C2orf76: variants seen among roughly 807,000 people sequenced by gnomAD.
C2orf76 encodes the protein chromosome 2 open reading frame 76.
Under a neutral mutation model 16.9 loss-of-function variants are expected in C2orf76, and 23 were observed. The ratio of observed to expected loss-of-function variants is 1.36; its 90% confidence interval spans 0.98 to 1.93. The LOEUF (loss-of-function observed/expected upper bound fraction) is 1.93. C2orf76 is among the 30% of genes most tolerant of loss of function. The pLI is 0.00. For synonymous variants in C2orf76, 48 were observed against 52.3 expected (o/e 0.92, Z 0.35); for missense variants, 152 against 152.6 (o/e 1.00, Z 0.02).
At chr2:119,301,011 C>T (rs1057152054), downstream of C2orf76, among the ~76,000 whole-genome samples, 2 of 151,780 alleles carry the variant, frequency 1.3e-5, no homozygotes, top group Non-Finnish European at 2.9e-5. Context: ...CCTTTCCCTT[C>T]TTTTCTTCTA....
intron 1 of C2orf76, among the ~76,000 whole-genome samples, chr2:119,346,212 T>G (rs1242602132): frequency 6.6e-6 from 1 of 152,064 alleles, no homozygotes; most frequent in African/African-American, 2.4e-5. Flanking sequence ...TACTAGCCAG[T>G]CTGAAAAAGA....
chr2:119,332,605 T>A (rs1679712216), intron 2 of C2orf76, among the ~76,000 whole-genome samples: 1 of 152,246 alleles, frequency 6.6e-6, no homozygotes, highest in Admixed American at 6.5e-5. Context: ...AAAGCCTTTC[T>A]ATCTTTTGCC....
intron 5 of C2orf76, among the ~76,000 whole-genome samples, chr2:119,309,128 G>A (rs1678893144): frequency 6.6e-6 from 1 of 152,158 alleles, no homozygotes; most frequent in Non-Finnish European, 1.5e-5. Flanking sequence ...CCTGGCCTCA[G>A]GCGATCCACT....
At chr2:119,362,987 T>C (rs969794825) in intron 1 of C2orf76, among the ~76,000 whole-genome samples, 19 of 152,126 alleles carry the variant, frequency 1.2e-4, no homozygotes, top group African/African-American at 4.6e-4. Context: ...CCAGGCCTCC[T>C]CTCACCAGTT....
chr2:119,314,877 G>T (rs370211407), intron 4 of C2orf76, among the ~76,000 whole-genome samples: 33 of 152,208 alleles, frequency 2.2e-4, no homozygotes, highest in African/African-American at 7.2e-4. Flanking sequence ...AGCAGGTTTT[G>T]TTTTGTTGTT....
downstream of C2orf76, chr2:119,302,222 C>A (rs1678637038): frequency 3.4e-6 from 1 of 298,176 alleles, no homozygotes; most frequent in African/African-American, 2.2e-5. Flanking sequence ...CAATATTCCA[C>A]AATAATTTTT....
At chr2:119,363,432 A>G (rs1468018457) in intron 1 of C2orf76, among the ~76,000 whole-genome samples, 2 of 151,644 alleles carry the variant, frequency 1.3e-5, no homozygotes, top group Non-Finnish European at 2.9e-5. Flanking sequence ...TCAAAAAAAA[A>G]AAAGGCAAAA....
chr2:119,288,886 G>A, the C2orf76 span, among the ~76,000 whole-genome samples: 1 of 152,020 alleles, frequency 6.6e-6, no homozygotes, highest in African/African-American at 2.4e-5. Context: ...CAGCCTTGGT[G>A]AGTCACTCCA....
rs373600424 is a variant in C2orf76, at chr2:119,326,097, T to C, written c.134-4893A>G. Among the ~76,000 whole-genome samples, 10 of 152,328 alleles carry C rather than the reference T, an allele frequency of 6.6e-5. No individual in the cohort carries two copies. In the East Asian group the frequency reaches 1.2e-3, roughly 18 times the overall value. On this transcript the variant is annotated intron_variant, in intron 2 of 5. Coordinates refer to ENST00000334816, the MANE Select transcript of C2orf76 (RefSeq NM_001322331.2). ...AGTTTTTAATTTTGCTAAAGCCCAATTGATTTTTGCTTTTATAGTTTATGC... is the reference window on the plus strand; with the variant it reads ...AGTTTTTAATTTTGCTAAAGCCCAACTGATTTTTGCTTTTATAGTTTATGC...
chr2:119,346,282 T>C (rs530272909), intron 1 of C2orf76, among the ~76,000 whole-genome samples: 6 of 152,260 alleles, frequency 3.9e-5, no homozygotes, highest in African/African-American at 1.2e-4. Flanking sequence ...ATTGCATTCT[T>C]GGGCATTCAT....
At position 119,353,381 on chromosome 2, in the gene C2orf76, A is replaced by G. The variant is rs181173739; in HGVS notation, c.-13+13409T>C. Among the ~76,000 whole-genome samples, 1,188 of 152,270 alleles carry G rather than the reference A, an allele frequency of 7.8e-3. 19 individuals carry two copies. The highest frequency in any genetic ancestry group is 0.021 in the Admixed American group (327 of 15,298). ...AAATTAAAATTAATTCACACTTAGG[A>G]CTATGACTAAAAGTAAAATGTTAAT... On this transcript the variant is annotated intron_variant, in intron 1 of 5. Transcript: ENST00000334816.
At chr2:119,348,022 G>A (rs1680258627) in intron 1 of C2orf76, among the ~76,000 whole-genome samples, 3 of 140,268 alleles carry the variant, frequency 2.1e-5, no homozygotes. Context: ...TCTCCAGCCT[G>A]GGAAACAGGA....
intron 2 of C2orf76, among the ~76,000 whole-genome samples, chr2:119,337,238 TTTG>T (rs1448138452): frequency 1.0e-5 from 1 of 97,494 alleles, no homozygotes; most frequent in Non-Finnish European, 2.2e-5. Context: ...GGGGTTTTGT[TTTG>T]TTTTTTTTTT....
the C2orf76 span, among the ~76,000 whole-genome samples, chr2:119,290,329 A>C: frequency 6.6e-6 from 1 of 152,068 alleles, no homozygotes; most frequent in African/African-American, 2.4e-5. Context: ...AAACCGGCTC[A>C]CGACCTTTCA....
chr2:119,359,465 T>C (rs945843693), intron 1 of C2orf76, among the ~76,000 whole-genome samples: 2 of 152,222 alleles, frequency 1.3e-5, no homozygotes, highest in African/African-American at 4.8e-5. Context: ...CAGATGGATA[T>C]GGGCAAAATA....
chr2:119,311,473 C>T (rs527426486), intron 5 of C2orf76, 149 bp downstream of exon 5: 1 of 1,418,840 alleles, frequency 7.0e-7, no homozygotes, highest in East Asian at 2.6e-5. Flanking sequence ...ACATCATTCT[C>T]ATCCTCCTCC....
At chr2:119,337,743 T>C (rs919972922) in intron 2 of C2orf76, among the ~76,000 whole-genome samples, 2 of 152,140 alleles carry the variant, frequency 1.3e-5, no homozygotes, top group East Asian at 1.9e-4. Context: ...AAGTGCACAA[T>C]TGAAACAAGC....
At chr2:119,353,070 T>TGTTAAGAA (rs1398072399) in intron 1 of C2orf76, among the ~76,000 whole-genome samples, 15 of 152,300 alleles carry the variant, frequency 9.8e-5, no homozygotes, top group Admixed American at 5.9e-4. Flanking sequence ...AGAAAATCAC[T>TGTTAAGAA]GAATATGCAA....
At chr2:119,337,627 AGT>A (rs1183972541) in intron 2 of C2orf76, among the ~76,000 whole-genome samples, 2 of 152,202 alleles carry the variant, frequency 1.3e-5, no homozygotes, top group African/African-American at 4.8e-5. Context: ...AGAGTTCCAT[AGT>A]ACCTCAAATC....
Sources: gnomAD v4.1 joint callset for allele counts (sites outside exome capture counted in the v4.1 genomes callset) on GRCh38, gnomAD v4.1.1 for gene constraint, MANE v1.5 for transcripts, NCBI Gene and HGNC (gene_info 2026-07-23, HGNC 2026-07-21) for gene names.